The following ADORA1 variants were observed in gnomAD, a reference collection of about 807,000 sequenced individuals.
ADORA1 encodes adenosine receptor A1.
In ADORA1, 6 loss-of-function variants were observed where a neutral mutation model predicts 19.9. The ratio of observed to expected loss-of-function variants is 0.30; its 90% CI spans 0.17 to 0.59. ADORA1 has a LOEUF of 0.59. ADORA1 is among the 20% of genes least tolerant of loss of function. The probability of loss-of-function intolerance (pLI) is 0.87; values close to 1 mark genes in which losing one functional copy is unlikely to be tolerated. For missense variants in ADORA1, 302 were observed against 439.2 expected, an observed-to-expected ratio of 0.69 and a Z score of 2.79; for synonymous variants, 194 against 188.4, an observed-to-expected ratio of 1.03 and a Z score of -0.24.
intron 3 of ADORA1, among the ~76,000 whole-genome samples, chr1:203,141,877 C>G (rs1243363412): frequency 6.6e-6 from 1 of 152,146 alleles, no homozygotes; most frequent in Non-Finnish European, 1.5e-5. Context: ...GCCACCACAC[C>G]CGGCCTAACC....
intron 3 of ADORA1, among the ~76,000 whole-genome samples, chr1:203,157,584 G>A (rs1655235942): frequency 6.6e-6 from 1 of 152,360 alleles, no homozygotes; most frequent in African/African-American, 2.4e-5. Flanking sequence ...TTGCCCTGGT[G>A]AGGGATCTCT....
Position 203,165,805 on chromosome 1 carries a change from C to T in ADORA1, c.886C>T (p.Arg296Cys), listed in dbSNP as rs199829860. ...CTATGCCTTCCGCATCCAGAAGTTC[C>T]GCGTCACCTTCCTTAAGATTTGGAA... ...IVYAFRIQKF[R>C]VTFLKIWNDH... The change falls in exon 4 of 4, where the codon CGC becomes TGC. Residue 296 changes from arginine to cysteine, a missense_variant. Transcript: ENST00000337894. This position sits in a 1 kb window ranked among gnomAD's most constrained non-coding sequence, Gnocchi z 5.9. 14 of 1,612,784 alleles carry T rather than the reference C, an allele frequency of 8.7e-6. No individual in the cohort carries two copies. The highest frequency in any genetic ancestry group is 1.1e-5 in the Non-Finnish European group (13 of 1,179,270).
intron 3 of ADORA1, among the ~76,000 whole-genome samples, chr1:203,132,708 G>A (rs528963645): frequency 1.8e-4 from 28 of 152,204 alleles, no homozygotes; most frequent in African/African-American, 6.3e-4. Flanking sequence ...ATAGCTGGGC[G>A]TGGTGGCACA....
chr1:203,140,954 G>T (rs1654663322), intron 3 of ADORA1, among the ~76,000 whole-genome samples: 1 of 152,232 alleles, frequency 6.6e-6, no homozygotes, highest in Non-Finnish European at 1.5e-5. Context: ...CTGGAATGCA[G>T]CCAGTGGTCT....
intron 3 of ADORA1, among the ~76,000 whole-genome samples, chr1:203,133,216 C>G (rs1252035804): frequency 6.6e-6 from 1 of 151,766 alleles, no homozygotes; most frequent in Non-Finnish European, 1.5e-5. Context: ...CAGGTTCAAG[C>G]GATTCTCCTG....
Position 203,165,056 on chromosome 1 carries a change from G to C in ADORA1, c.342-205G>C. On this transcript the variant is annotated intron_variant, in intron 3 of 3. Coordinates refer to ENST00000337894, the MANE Select transcript of ADORA1 (RefSeq NM_000674.3). This position sits in a 1 kb window ranked among gnomAD's most constrained non-coding sequence, Gnocchi z 5.9. ...TAATCAGGATTTCCTCTCTCTGTAG[G>C]AGAATAAGCCAATGCATGGCAAGCA... is the stretch of plus-strand genomic sequence containing the variant. 1 of 1,550,478 alleles carries C rather than the reference G, an allele frequency of 6.4e-7. No individual in the cohort carries two copies. The highest frequency in any genetic ancestry group is 8.7e-7 in the Non-Finnish European group (1 of 1,146,936).
intron 3 of ADORA1, among the ~76,000 whole-genome samples, chr1:203,163,920 A>G (rs776277052): frequency 6.6e-6 from 1 of 152,192 alleles, no homozygotes; most frequent in African/African-American, 2.4e-5. Flanking sequence ...AGCTATTTAC[A>G]TGCTCAGGAG....
At chr1:203,153,202 G>A (rs186963934) in intron 3 of ADORA1, among the ~76,000 whole-genome samples, 4 of 152,318 alleles carry the variant, frequency 2.6e-5, no homozygotes, top group South Asian at 2.1e-4. Context: ...GCTCTGCCCT[G>A]TGCTTTGCAG....
At chr1:203,156,250 G>T (rs1336215004) in intron 3 of ADORA1, among the ~76,000 whole-genome samples, 1 of 152,124 alleles carries the variant, frequency 6.6e-6, no homozygotes, top group Non-Finnish European at 1.5e-5. Flanking sequence ...GTGAGAGAGA[G>T]GGAGGAGGGA....
intron 3 of ADORA1, among the ~76,000 whole-genome samples, chr1:203,132,951 G>T (rs1654387649): frequency 6.6e-6 from 1 of 152,236 alleles, no homozygotes; most frequent in East Asian, 1.9e-4. Flanking sequence ...CCTGACTCCT[G>T]CCAGTGCTGT....
At chr1:203,150,631 G>C (rs1220917830) in intron 3 of ADORA1, 1 of 1,289,548 alleles carries the variant, frequency 7.8e-7, no homozygotes, top group Non-Finnish European at 1.0e-6. Flanking sequence ...ACTTCTTCCA[G>C]GTCCCAAAAG....
At chr1:203,162,917 G>T (rs779967812) in intron 3 of ADORA1, among the ~76,000 whole-genome samples, 78 of 152,324 alleles carry the variant, frequency 5.1e-4, no homozygotes, top group Non-Finnish European at 8.8e-4. Flanking sequence ...GTGGCAGCTC[G>T]CTTTCCCTGC....
At chr1:203,151,008 C>T (rs76988678) in intron 3 of ADORA1, among the ~76,000 whole-genome samples, 2 of 152,198 alleles carry the variant, frequency 1.3e-5, no homozygotes, top group Non-Finnish European at 2.9e-5. Flanking sequence ...TAGGTCCCAA[C>T]CCCAGCGGGT....
chr1:203,164,526 T>G (rs1266068047), intron 3 of ADORA1, among the ~76,000 whole-genome samples: 1 of 152,140 alleles, frequency 6.6e-6, no homozygotes, highest in Non-Finnish European at 1.5e-5. Flanking sequence ...CCCAGTTAGC[T>G]TGGGAGTGCA....
intron 3 of ADORA1, among the ~76,000 whole-genome samples, chr1:203,133,254 C>T (rs1358251059): frequency 2.0e-5 from 3 of 152,086 alleles, no homozygotes; most frequent in Admixed American, 2.0e-4. Context: ...GCTAGAATTA[C>T]AGGTGCATGC....
intron 3 of ADORA1, among the ~76,000 whole-genome samples, chr1:203,162,351 G>A (rs1436520911): frequency 6.6e-6 from 1 of 152,160 alleles, no homozygotes; most frequent in Non-Finnish European, 1.5e-5. Flanking sequence ...AACCCCGGGG[G>A]CTCTGGGTGG....
chr1:203,151,448 C>T (rs1004303491), intron 3 of ADORA1, among the ~76,000 whole-genome samples: 3 of 152,192 alleles, frequency 2.0e-5, no homozygotes, highest in Non-Finnish European at 4.4e-5. Flanking sequence ...TGTGACTGGC[C>T]TTCCAAAGTG....
At chr1:203,161,330 C>T (rs1025751719) in intron 3 of ADORA1, among the ~76,000 whole-genome samples, 1 of 152,120 alleles carries the variant, frequency 6.6e-6, no homozygotes, top group Non-Finnish European at 1.5e-5. Context: ...CACAGGTGGG[C>T]GTGGTGGCTC....
Position 203,156,151 on chromosome 1 carries a change from C to T in ADORA1, c.342-9110C>T, listed in dbSNP as rs568321648. Among the ~76,000 whole-genome samples the T allele has an allele frequency of 4.2e-4, 64 of 152,246 alleles. 1 individual carries two copies. Among genetic ancestry groups the T allele is most frequent in the African/African-American group, 1.5e-3 (61 of 41,544 alleles). ...TTAACATGCCAAAGGTTCTGTCCTA[C>T]TGGGGCTTACATTCTACTGGAGCAC... On this transcript the variant is annotated intron_variant, in intron 3 of 3. Coordinates refer to ENST00000337894, the MANE Select transcript of ADORA1 (RefSeq NM_000674.3).
Sources: allele counts gnomAD v4.1 joint callset (sites outside exome capture counted in the v4.1 genomes callset), GRCh38; gene constraint gnomAD v4.1.1; non-coding constraint Gnocchi (gnomAD v3.1); transcripts MANE v1.5; gene names NCBI Gene and HGNC (gene_info 2026-07-23, HGNC 2026-07-21).